ETV5: variants seen among roughly 807,000 people sequenced by gnomAD.
The protein encoded by ETV5 is ETS translocation variant 5.
ETV5 carries 10 observed loss-of-function variants against 70.0 expected under a neutral mutation model. The observed-to-expected ratio is 0.14, with a 90% confidence interval of 0.09 to 0.24. ETV5 has a LOEUF of 0.24. Ranked by LOEUF, ETV5 falls within the 10% of genes least tolerant of loss-of-function variation. ETV5 has a pLI of 1.00. For synonymous variants in ETV5, 216 were observed against 242.2 expected (o/e 0.89, Z 1.01); for missense variants, 453 against 651.2 (o/e 0.70, Z 3.31).
At chr3:186,079,253 C>T in intron 7 of ETV5, 1 of 253,898 alleles carries the variant, frequency 3.9e-6, no homozygotes, top group Non-Finnish European at 7.2e-6. Context: ...GGACAAGTTA[C>T]TCCTGATGCC....
Position 186,060,504 on chromosome 3 carries a change from C to T in ETV5, c.971-3013G>A, listed in dbSNP as rs191846836. On this transcript the variant is annotated intron_variant, in intron 9 of 12. Transcript: ENST00000306376. ...ACCTGTTTGAGGGGCAAACTAGAAA[C>T]GAAAGACTCAAAACATTATGCAAGG... Among the ~76,000 whole-genome samples, 8 of 152,294 alleles carry T rather than the reference C, an allele frequency of 5.3e-5. No homozygotes were observed. In the East Asian group the frequency reaches 7.7e-4, roughly 15 times the overall value.
intron 7 of ETV5, among the ~76,000 whole-genome samples, chr3:186,077,178 C>G (rs1713816514): frequency 6.6e-6 from 1 of 152,186 alleles, no homozygotes; most frequent in Admixed American, 6.5e-5. Flanking sequence ...TCAAATGAGA[C>G]TCTCTTTACT....
intron 9 of ETV5, among the ~76,000 whole-genome samples, chr3:186,061,059 C>T (rs545276583): frequency 6.6e-6 from 1 of 152,194 alleles, no homozygotes; most frequent in African/African-American, 2.4e-5. Flanking sequence ...AGTGAAACAA[C>T]ACTCGGTCTC....
chr3:186,092,599 C>T (rs1470801531), intron 5 of ETV5, among the ~76,000 whole-genome samples: 1 of 151,416 alleles, frequency 6.6e-6, no homozygotes, highest in African/African-American at 2.4e-5. Flanking sequence ...CACGCAGCTA[C>T]ATTTTTTTTT....
rs1224138890 is a variant in ETV5 at position 186,057,970 on chromosome 3, T to C, written c.971-479A>G. Among the ~76,000 whole-genome samples the C allele has an allele frequency of 6.6e-6, 1 of 152,168 alleles. No homozygotes were observed. Among genetic ancestry groups the C allele is most frequent in the Non-Finnish European group, 1.5e-5 (1 of 68,034 alleles). On this transcript the variant is annotated intron_variant, in intron 9 of 12. Transcript: ENST00000306376. This position sits in a 1 kb window ranked among gnomAD's most constrained non-coding sequence, Gnocchi z 4.9. ...ATACCTCGTTCAATTACGAAAGAGC[T>C]TGAAGGGTAAAGAATGTTGCCAAAA... is the stretch of plus-strand genomic sequence containing the variant.
intron 5 of ETV5, among the ~76,000 whole-genome samples, chr3:186,083,954 G>A (rs1345345039): frequency 2.6e-5 from 4 of 152,174 alleles, no homozygotes; most frequent in Admixed American, 6.5e-5. Context: ...ATGTGTGAAG[G>A]AGCCTAATTC....
chr3:186,082,650 A>C (rs1243367583), intron 5 of ETV5, among the ~76,000 whole-genome samples: 1 of 152,086 alleles, frequency 6.6e-6, no homozygotes, highest in Non-Finnish European at 1.5e-5. Context: ...CGAACTAATG[A>C]CTTTGTGATC....
At chr3:186,108,695 GT>G in intron 1 of ETV5, 1 of 1,144,332 alleles carries the variant, frequency 8.7e-7, no homozygotes, top group Non-Finnish European at 1.1e-6. Context: ...CCCCCACGAC[GT>G]GTGGAAAGCC....
chr3:186,094,682 C>G (rs775704167), intron 5 of ETV5, among the ~76,000 whole-genome samples: 1 of 152,152 alleles, frequency 6.6e-6, no homozygotes, highest in African/African-American at 2.4e-5. Context: ...AGACCAACTT[C>G]GATTGAAGTA....
At chr3:186,066,458 G>A (rs2150144973) in intron 7 of ETV5, among the ~76,000 whole-genome samples, 1 of 152,082 alleles carries the variant, frequency 6.6e-6, no homozygotes, top group East Asian at 1.9e-4. Flanking sequence ...CCTATAGATA[G>A]AAGGAATTTT....
intron 11 of ETV5, among the ~76,000 whole-genome samples, chr3:186,055,411 G>A (rs1416060987): frequency 2.0e-5 from 3 of 152,156 alleles, no homozygotes; most frequent in African/African-American, 7.2e-5. Context: ...GCTCTGCAGG[G>A]ATGCTAGAAG....
chr3:186,090,598 G>T (rs1365136991), intron 5 of ETV5, among the ~76,000 whole-genome samples: 1 of 152,182 alleles, frequency 6.6e-6, no homozygotes, highest in African/African-American at 2.4e-5. Flanking sequence ...GAATTTATAT[G>T]TAAAACACGT....
At chr3:186,108,704 G>C (rs891315580) in intron 1 of ETV5, 10 of 1,128,066 alleles carry the variant, frequency 8.9e-6, no homozygotes, top group Non-Finnish European at 1.1e-5. Flanking sequence ...CGTGTGGAAA[G>C]CCGCTCTCCC....
intron 5 of ETV5, among the ~76,000 whole-genome samples, chr3:186,101,530 T>G (rs1247479144): frequency 6.6e-6 from 1 of 152,172 alleles, no homozygotes; most frequent in Non-Finnish European, 1.5e-5. Context: ...ATGAAGGTAT[T>G]GAGTAACTTT....
intron 7 of ETV5, among the ~76,000 whole-genome samples, chr3:186,069,545 A>G (rs7631721): frequency 0.14 from 21,511 of 151,418 alleles, 1,659 homozygotes; most frequent in African/African-American, 0.19. Context: ...AAAAGACTTA[A>G]AAAAAAGTCT....
intron 7 of ETV5, among the ~76,000 whole-genome samples, 199 bp downstream of exon 7, chr3:186,079,618 C>G (rs1474760531): frequency 6.6e-6 from 1 of 152,152 alleles, no homozygotes; most frequent in African/African-American, 2.4e-5. Context: ...AGTCCATCAA[C>G]CATCTGGAGT....
At chr3:186,056,119 A>G (rs1713156549) in intron 11 of ETV5, among the ~76,000 whole-genome samples, 1 of 152,186 alleles carries the variant, frequency 6.6e-6, no homozygotes, top group Non-Finnish European at 1.5e-5. Context: ...CAGGAAAGGG[A>G]TTCTAGGGTG....
At position 186,047,315 on chromosome 3, in the gene ETV5, T is replaced by C. The variant is rs1421121071; in HGVS notation, c.*1324A>G. The C allele has an allele frequency of 4.8e-5, 11 of 230,802 alleles. No homozygotes were observed. In the East Asian group the frequency reaches 6.8e-4, roughly 14 times the overall value. The allele number at this position is 230,802 out of a possible 1,614,324, so 14.3% of individuals were successfully genotyped here. On this transcript the variant is annotated 3_prime_UTR_variant, in exon 13 of 13. Coordinates refer to ENST00000306376, the MANE Select transcript of ETV5 (RefSeq NM_004454.3). ...AATCTAGAATGCTAGCACTGTTGCT[T>C]ACCTGTCAGTATCACACGTAAGTCT...
chr3:186,096,457 C>G (rs1307799922), intron 5 of ETV5, among the ~76,000 whole-genome samples: 1 of 152,128 alleles, frequency 6.6e-6, no homozygotes, highest in Non-Finnish European at 1.5e-5. Flanking sequence ...TAAGCGAAGT[C>G]CTTTTCAGCC....
Sources: gnomAD v4.1 joint callset for allele counts (sites outside exome capture counted in the v4.1 genomes callset) on GRCh38, gnomAD v4.1.1 for gene constraint, Gnocchi (gnomAD v3.1) non-coding constraint, MANE v1.5 for transcripts, NCBI Gene and HGNC (gene_info 2026-07-23, HGNC 2026-07-21) for gene names.